KAT6A: variants seen among roughly 807,000 people sequenced by gnomAD.
The protein encoded by KAT6A is lysine acetyltransferase 6A.
KAT6A carries 9 observed loss-of-function variants against 198.4 expected under a neutral mutation model. The ratio of observed to expected loss-of-function variants is 0.05; its 90% CI spans 0.03 to 0.08. The LOEUF (loss-of-function observed/expected upper bound fraction) is 0.08. KAT6A is among the 10% of genes least tolerant of loss of function. The pLI is 1.00. For synonymous variants in KAT6A, 890 were observed against 883.0 expected, an observed-to-expected ratio of 1.01 and a Z score of -0.14; for missense variants, 2,077 against 2,509.9, an observed-to-expected ratio of 0.83 and a Z score of 3.69.
intron 2 of KAT6A, among the ~76,000 whole-genome samples, chr8:42,010,113 T>A (rs545575091): frequency 3.3e-5 from 5 of 152,200 alleles, no homozygotes; most frequent in Non-Finnish European, 7.4e-5. Context: ...AAGACCAGTC[T>A]GGCAAACATT....
At chr8:42,040,477 T>C (rs1827600986) in intron 2 of KAT6A, among the ~76,000 whole-genome samples, 1 of 152,136 alleles carries the variant, frequency 6.6e-6, no homozygotes, top group Admixed American at 6.5e-5. Context: ...CTCACACCTG[T>C]AATCCCAGCA....
rs1320890633 is a variant in KAT6A, at chr8:41,937,373, G to C, written c.3235C>G (p.Leu1079Val). The change falls in exon 16 of 17, where the codon CTT (leucine) becomes GTT (valine). Residue 1079 changes from leucine (L) to valine (V), a missense_variant. Transcript: ENST00000265713. ...EEEEEEDENE[L>V]FPREYFRRLS... ...CGACGGAAGTATTCTCTAGGGAAAA[G>C]TTCATTTTCATCCTCTTCCTCCTCT... 1.2e-6 allele frequency: 2 copies of C among 1,614,106 alleles called. No individual in the cohort carries two copies. Among genetic ancestry groups the C allele is most frequent in the South Asian group, 1.1e-5 (1 of 91,070 alleles).
Position 42,048,419 on chromosome 8 carries a change from A to C in KAT6A, c.559T>G (p.Cys187Gly). ...GGAAGAAGGGACACTGGAGGTAAAC[A>C]GGAAAGAGACTCACAACTCTCTTTC... ...DGKESCESLS[C>G]LPPVSLLPHE... The change falls in exon 2 of 17, where the codon TGT becomes GGT. Residue 187 changes from cysteine (C) to glycine (G), a missense_variant. Physicochemically the swap from Cys to Gly is radical, Grantham distance 159. Transcript: ENST00000265713. 1 of 1,614,120 alleles carries C rather than the reference A, an allele frequency of 6.2e-7. No homozygotes were observed. The highest frequency in any genetic ancestry group is 8.5e-7 in the Non-Finnish European group (1 of 1,179,964).
rs752423719 is a variant in KAT6A at position 41,934,375 on chromosome 8, T to C, written c.3845A>G (p.Glu1282Gly). ...EEEEKPRVSE[E>G]QRQSEEEQQE... ...CTGCTCCTCCTCTGACTGCCTCTGC[T>C]CCTCTGAGACACGGGGCTTCTCTTC... The change falls in exon 17 of 17, where the codon GAG (glutamate) becomes GGG (glycine). Residue 1282 changes from glutamate (E) to glycine (G), a missense_variant. Glu to Gly is a moderately conservative substitution (Grantham distance 98, BLOSUM62 -2). Transcript: ENST00000265713. 6.2e-7 allele frequency: 1 copy of C among 1,614,036 alleles called. No homozygotes were observed. The highest frequency in any genetic ancestry group is 8.5e-7 in the Non-Finnish European group (1 of 1,179,978).
At chr8:42,020,222 C>T (rs1388419198) in intron 2 of KAT6A, among the ~76,000 whole-genome samples, 1 of 152,096 alleles carries the variant, frequency 6.6e-6, no homozygotes, top group Non-Finnish European at 1.5e-5. Flanking sequence ...TTACCTGGTT[C>T]GCAGACTTGA....
intron 3 of KAT6A, among the ~76,000 whole-genome samples, chr8:41,986,171 C>G (rs193202138): frequency 2.2e-4 from 34 of 152,278 alleles, no homozygotes; most frequent in Non-Finnish European, 4.3e-4. Flanking sequence ...GATCTCTTGA[C>G]CTTGTGATCT....
intron 2 of KAT6A, among the ~76,000 whole-genome samples, chr8:42,040,735 CAAAAAAAAAAAAAAA>C (rs59959496): frequency 3.7e-5 from 2 of 54,666 alleles, no homozygotes; most frequent in Non-Finnish European, 6.7e-5. Context: ...GACTCTGTCT[CAAAAAAAAAAAAAAA>C]AAAAAAAAAA....
Position 41,976,997 on chromosome 8 carries a change from T to C in KAT6A, c.1363+11A>G. ...ATACTATTTGTTTCTAAGTCTGTTC[T>C]AAACTCTTACCTGTGGGCCAATCTG... On this transcript the variant is annotated intron_variant, in intron 7 of 16. Coordinates refer to ENST00000265713, the MANE Select transcript of KAT6A (RefSeq NM_006766.5). 1 of 1,580,504 alleles carries C rather than the reference T, an allele frequency of 6.3e-7. No individual in the cohort carries two copies. The highest frequency in any genetic ancestry group is 8.6e-7 in the Non-Finnish European group (1 of 1,162,980).
chr8:41,980,787 G>A lies in KAT6A; in HGVS notation c.907+59C>T, dbSNP rs1824314282. On this transcript the variant is annotated intron_variant, in intron 5 of 16. Coordinates refer to ENST00000265713, the MANE Select transcript of KAT6A (RefSeq NM_006766.5). ...TTTCATTTAACAAAGTAGATAAAAT[G>A]TGCTTTCACTAACATCCTCCTTTAT... 7 of 1,111,838 alleles carry A rather than the reference G, an allele frequency of 6.3e-6. No individual in the cohort carries two copies. In the African/African-American group the frequency reaches 1.1e-4, roughly 17 times the overall value. The allele number at this position is 1,111,838 out of a possible 1,614,324, so 68.9% of individuals were successfully genotyped here.
intron 8 of KAT6A, among the ~76,000 whole-genome samples, chr8:41,962,010 C>T (rs769353306): frequency 2.1e-4 from 32 of 152,282 alleles, no homozygotes; most frequent in Middle Eastern, 3.4e-3. Flanking sequence ...TCTCTTCTTA[C>T]TTGGCCTATT....
At chr8:42,031,338 G>A (rs1368486179) in intron 2 of KAT6A, among the ~76,000 whole-genome samples, 1 of 152,114 alleles carries the variant, frequency 6.6e-6, no homozygotes, top group Non-Finnish European at 1.5e-5. Context: ...GTACTTTTCA[G>A]CTGAGGTATC....
chr8:41,934,379 C>G lies in KAT6A; in HGVS notation c.3841G>C (p.Glu1281Gln), dbSNP rs1277129416. The change falls in exon 17 of 17, where the codon GAG becomes CAG. Residue 1281 changes from glutamate to glutamine, a missense_variant. By Grantham distance (29) the Glu-to-Gln change is conservative. Transcript: ENST00000265713. The part of the protein sequence containing the change: ...EEEEEKPRVS[E>Q]EQRQSEEEQQ... ...TCCTCCTCTGACTGCCTCTGCTCCT[C>G]TGAGACACGGGGCTTCTCTTCTTCC... 1.2e-6 allele frequency: 2 copies of G among 1,613,816 alleles called. No individual in the cohort carries two copies. Among genetic ancestry groups the G allele is most frequent in the African/African-American group, 2.7e-5 (2 of 74,880 alleles).
chr8:41,937,223 T>G, intron 16 of KAT6A, 33 bp downstream of exon 16: 1 of 1,549,636 alleles, frequency 6.5e-7, no homozygotes, highest in Non-Finnish European at 8.8e-7. Flanking sequence ...CTGAAGACAA[T>G]AAACCACAGT....
chr8:41,931,050 C>T lies in KAT6A; in HGVS notation c.*1155G>A, dbSNP rs184477417. 531 of 217,968 alleles carry T rather than the reference C, an allele frequency of 2.4e-3. 8 individuals are homozygous for T. Among genetic ancestry groups the T allele is most frequent in the Non-Finnish European group, 1.1e-3 (114 of 108,370 alleles). The allele number at this position is 217,968 out of a possible 1,614,324, so 13.5% of individuals were successfully genotyped here. A position where few individuals can be genotyped will look rare whatever the true frequency, so the allele number is the denominator to read the frequency against. On this transcript the variant is annotated 3_prime_UTR_variant, in exon 17 of 17. Transcript: ENST00000265713. ...ACACCGTGATCTCCCTTCTGACACA[C>T]ATCTGCGCCATCTCTTCCAACATAA...
At chr8:42,028,049 T>C (rs1405278322) in intron 2 of KAT6A, among the ~76,000 whole-genome samples, 1 of 152,244 alleles carries the variant, frequency 6.6e-6, no homozygotes, top group African/African-American at 2.4e-5. Flanking sequence ...CTTGTATTTA[T>C]ATAGTTTCCA....
chr8:42,011,845 G>A (rs962183845), intron 2 of KAT6A, among the ~76,000 whole-genome samples: 1 of 149,478 alleles, frequency 6.7e-6, no homozygotes, highest in African/African-American at 2.5e-5. Flanking sequence ...ATTCCCTGGA[G>A]CCCAAAACTA....
intron 7 of KAT6A, among the ~76,000 whole-genome samples, chr8:41,976,657 G>T (rs1185779796): frequency 6.6e-6 from 1 of 152,086 alleles, no homozygotes. Flanking sequence ...CCTGGAATAA[G>T]CAGGCATCAT....
rs1439976590 is a variant in KAT6A, at chr8:41,941,432, C to T, written c.2449G>A (p.Val817Met). Reference protein sequence around the residue: ...RELEISVGKSVSHENKEQDSY... With the variant: ...RELEISVGKSMSHENKEQDSY... ...TCTTGTTCTTTGTTCTCATGAGACA[C>T]AGACTTTCCCACCTGATTTTAGAAA... The change falls in exon 15 of 17, where the codon GTG becomes ATG. Residue 817 changes from valine (V) to methionine (M), a missense_variant. By Grantham distance (21) the Val-to-Met change is conservative. This residue lies in a region of KAT6A where 301 missense variants were observed against 272.2 expected (regional missense o/e 1.11). Transcript: ENST00000265713. 1 of 1,585,086 alleles carries T rather than the reference C, an allele frequency of 6.3e-7. No individual in the cohort carries two copies. Among genetic ancestry groups the T allele is most frequent in the South Asian group, 1.2e-5 (1 of 86,800 alleles).
At position 41,940,866 on chromosome 8, in the gene KAT6A, G is replaced by A. The variant is rs1292135243; in HGVS notation, c.3015C>T (p.Leu1005=). The A allele has an allele frequency of 2.5e-6, 4 of 1,612,576 alleles. No individual in the cohort carries two copies. Among genetic ancestry groups the A allele is most frequent in the African/African-American group, 1.3e-5 (1 of 74,928 alleles). The change falls in exon 15 of 17, where the codon CTC becomes CTT. Residue 1005 remains leucine (L), a synonymous_variant. Transcript: ENST00000265713. ...ESPRSSSPPI[L]TKPTLKRKKP... ...CCTTTCGCTTCAGCGTGGGCTTTGT[G>A]AGAATTGGTGGCGAGCTTGACCGAG...
Sources: gnomAD v4.1 joint callset for allele counts (sites outside exome capture counted in the v4.1 genomes callset) on GRCh38, gnomAD v4.1.1 for gene constraint, gnomAD v4.1.1 regional missense constraint, MANE v1.5 for transcripts, NCBI Gene and HGNC (gene_info 2026-07-23, HGNC 2026-07-21) for gene names.